PTGER3: variants seen among roughly 807,000 people sequenced by gnomAD.
PTGER3 encodes prostaglandin E2 receptor EP3 subtype.
A neutral mutation model predicts 34.7 loss-of-function variants in PTGER3; 22 were observed. That is an observed-to-expected ratio of 0.63 (90% CI 0.45 to 0.91). The LOEUF (loss-of-function observed/expected upper bound fraction) is 0.91, where lower values mean the gene tolerates loss of function less well. PTGER3 is among the 40% of genes least tolerant of loss of function. PTGER3 has a pLI of 0.00. For missense variants in PTGER3, 468 were observed against 519.4 expected (o/e 0.90, Z 0.96); for synonymous variants, 241 against 230.1 (o/e 1.05, Z -0.43).
chr1:70,874,689 T>C (rs1646237599), intron 4 of PTGER3, among the ~76,000 whole-genome samples: 1 of 152,186 alleles, frequency 6.6e-6, no homozygotes, highest in African/African-American at 2.4e-5. Flanking sequence ...TCTCTCTCTC[T>C]GAAACTTCCC....
At chr1:70,928,366 G>T (rs1170855483) in intron 4 of PTGER3, among the ~76,000 whole-genome samples, 9 of 151,664 alleles carry the variant, frequency 5.9e-5, no homozygotes, top group Non-Finnish European at 1.0e-4. Flanking sequence ...GGGCAAAGTG[G>T]CTCATGCTTA....
At chr1:70,893,354 C>T (rs902364183) in intron 4 of PTGER3, among the ~76,000 whole-genome samples, 4 of 152,206 alleles carry the variant, frequency 2.6e-5, no homozygotes, top group South Asian at 2.1e-4. Flanking sequence ...CAGCCTGCTG[C>T]CTCCTCCCAC....
At position 70,934,171 on chromosome 1, in the gene PTGER3, C is replaced by T. The variant is rs575598193; in HGVS notation, c.*23+19592G>A. Among the ~76,000 whole-genome samples the T allele has an allele frequency of 5.5e-4, 83 of 152,190 alleles. 1 individual carries two copies. Among genetic ancestry groups the T allele is most frequent in the African/African-American group, 1.9e-3 (77 of 41,556 alleles). On this transcript the variant is annotated intron_variant, in intron 4 of 4. Coordinates refer to the PTGER3 transcript ENST00000370931. ...AAACCAAAAATTAGAAAACTAAACTCGTAATTACCTGGAAAAGGGAACAAA... is the reference window on the plus strand; with the variant it reads ...AAACCAAAAATTAGAAAACTAAACTTGTAATTACCTGGAAAAGGGAACAAA...
chr1:71,020,008 C>T (rs1658257554), intron 1 of PTGER3, among the ~76,000 whole-genome samples: 1 of 152,132 alleles, frequency 6.6e-6, no homozygotes, highest in Non-Finnish European at 1.5e-5. Flanking sequence ...GAAATTCCCC[C>T]CTATAATTTG....
intron 1 of PTGER3, among the ~76,000 whole-genome samples, chr1:71,041,017 T>C (rs974519863): frequency 1.3e-5 from 2 of 152,144 alleles, no homozygotes; most frequent in African/African-American, 4.8e-5. Context: ...CACAGAGAGT[T>C]CCCATGTTGT....
downstream of PTGER3, chr1:70,951,527 C>T (rs138116664): frequency 3.9e-5 from 6 of 152,270 alleles, no homozygotes; most frequent in East Asian, 9.6e-4. Context: ...GATGGGGAAA[C>T]ATGCTAGTAT....
intron 2 of PTGER3, among the ~76,000 whole-genome samples, chr1:70,985,563 T>C (rs988854362): frequency 6.6e-6 from 1 of 151,948 alleles, no homozygotes; most frequent in Non-Finnish European, 1.5e-5. Context: ...CAGGCACAAG[T>C]GTTTCTTGTG....
chr1:70,926,040 A>C (rs1648049890), intron 4 of PTGER3, among the ~76,000 whole-genome samples: 1 of 152,190 alleles, frequency 6.6e-6, no homozygotes, highest in Non-Finnish European at 1.5e-5. Flanking sequence ...TAGTAGTGAA[A>C]TAAAATGCTC....
At chr1:70,952,906 G>T in exon 4 of PTGER3, 1 of 1,602,084 alleles carries the variant, frequency 6.2e-7, no homozygotes, top group East Asian at 2.2e-5. Context: ...TTTTCTTCAT[G>T]TTATTCTGTC....
intron 4 of PTGER3, among the ~76,000 whole-genome samples, chr1:70,882,614 A>G (rs2100600460): frequency 6.6e-6 from 1 of 152,316 alleles, no homozygotes; most frequent in South Asian, 2.1e-4. Flanking sequence ...TGGACTCAAA[A>G]GTTGCCTCCA....
intron 4 of PTGER3, among the ~76,000 whole-genome samples, chr1:70,928,886 C>CAT: frequency 6.6e-6 from 1 of 151,670 alleles, no homozygotes; most frequent in African/African-American, 2.4e-5. Context: ...CACACACACA[C>CAT]ACACACACAC....
intron 1 of PTGER3, among the ~76,000 whole-genome samples, chr1:71,038,222 G>A (rs910068722): frequency 2.6e-5 from 4 of 152,094 alleles, no homozygotes; most frequent in African/African-American, 9.7e-5. Flanking sequence ...TTCAGAAAGA[G>A]AGACAAAAAG....
chr1:70,866,729 C>G (rs763879888), intron 4 of PTGER3, among the ~76,000 whole-genome samples: 1 of 152,150 alleles, frequency 6.6e-6, no homozygotes, highest in South Asian at 2.1e-4. Flanking sequence ...AGGGCACTGG[C>G]GGCTCTATCA....
chr1:70,882,628 A>T (rs1424256214), intron 4 of PTGER3, among the ~76,000 whole-genome samples: 2 of 152,160 alleles, frequency 1.3e-5, no homozygotes, highest in African/African-American at 4.8e-5. Context: ...GCCTCCACAA[A>T]ATGACCAGGT....
In PTGER3 at chr1:70,992,355, G is replaced by GT. The variant is rs1257839958; in HGVS notation, c.1078-17968dup. Among the ~76,000 whole-genome samples, 5 of 152,156 alleles carry GT rather than the reference G, an allele frequency of 3.3e-5. No individual in the cohort carries two copies. The East Asian group carries it at 7.7e-4, about 23-fold the overall frequency. ...AACTGAATTTGTGGTTGATATCCTT[G>GT]TTTTTTTGGAAGCAGAGCGATTTCT... On this transcript the variant is annotated intron_variant, in intron 2 of 3. Transcript: ENST00000306666.
At chr1:71,034,081 C>A (rs558669099) in intron 1 of PTGER3, among the ~76,000 whole-genome samples, 1 of 151,948 alleles carries the variant, frequency 6.6e-6, no homozygotes, top group African/African-American at 2.4e-5. Flanking sequence ...CTTTATCTGG[C>A]CAGCATTTTG....
chr1:70,923,071 A>G (rs1257670476), intron 4 of PTGER3, among the ~76,000 whole-genome samples: 3 of 152,182 alleles, frequency 2.0e-5, no homozygotes, highest in Non-Finnish European at 4.4e-5. Flanking sequence ...AAGATTGAAT[A>G]TATTTGTCTA....
At chr1:70,882,932 T>C (rs60466683) in intron 4 of PTGER3, among the ~76,000 whole-genome samples, 5,849 of 152,302 alleles carry the variant, frequency 0.038, 276 homozygotes, top group East Asian at 0.22. Context: ...TTTGTTTCCT[T>C]TCTGAGAGCA....
At chr1:70,983,968 G>C (rs946454052) in intron 2 of PTGER3, among the ~76,000 whole-genome samples, 1 of 152,158 alleles carries the variant, frequency 6.6e-6, no homozygotes, top group Admixed American at 6.5e-5. Context: ...GCCATGGAAA[G>C]CCTGAACTGG....
Sources: gnomAD v4.1 joint callset for allele counts (sites outside exome capture counted in the v4.1 genomes callset) on GRCh38, gnomAD v4.1.1 for gene constraint, MANE v1.5 for transcripts, NCBI Gene and HGNC (gene_info 2026-07-23, HGNC 2026-07-21) for gene names.